The following BMPR2 variants were observed in gnomAD, a reference collection of about 807,000 sequenced individuals.
BMPR2 encodes the protein bone morphogenetic protein receptor type-2.
In BMPR2, 29 loss-of-function variants were observed where a neutral mutation model predicts 100.8. The observed-to-expected ratio is 0.29, with a 90% confidence interval of 0.21 to 0.39. BMPR2 has a LOEUF of 0.39. Ranked by LOEUF, BMPR2 falls within the 10% of genes least tolerant of loss-of-function variation. The pLI, the probability that BMPR2 is intolerant of heterozygous loss-of-function variation, is 1.00. For missense variants in BMPR2, 1,011 were observed against 1,274.5 expected, an observed-to-expected ratio of 0.79 and a Z score of 3.15; for synonymous variants, 382 against 442.3, an observed-to-expected ratio of 0.86 and a Z score of 1.71.
chr2:202,461,377 G>A (rs1692221723), intron 1 of BMPR2, among the ~76,000 whole-genome samples: 1 of 152,168 alleles, frequency 6.6e-6, no homozygotes, highest in South Asian at 2.1e-4. Flanking sequence ...CCAGCTACTT[G>A]GGAGGCTGAG....
intron 3 of BMPR2, among the ~76,000 whole-genome samples, chr2:202,504,423 C>T (rs1014620867): frequency 1.3e-5 from 2 of 151,846 alleles, no homozygotes; most frequent in African/African-American, 2.4e-5. Flanking sequence ...TAACACTCAC[C>T]GCGAAGGTCT....
At chr2:202,555,089 T>C (rs750266252) in intron 11 of BMPR2, among the ~76,000 whole-genome samples, 163 bp from the exon 12 acceptor site, 1 of 152,190 alleles carries the variant, frequency 6.6e-6, no homozygotes, top group Non-Finnish European at 1.5e-5. Context: ...AAGTTATTAA[T>C]TGACACTTGA....
chr2:202,497,607 C>G (rs1011033804), intron 3 of BMPR2, among the ~76,000 whole-genome samples: 1 of 152,212 alleles, frequency 6.6e-6, no homozygotes, highest in Admixed American at 6.5e-5. Context: ...GTCCCAACAA[C>G]AAGTTGGTTG....
At chr2:202,518,199 G>A (rs1381245462) in intron 5 of BMPR2, among the ~76,000 whole-genome samples, 8 of 142,822 alleles carry the variant, frequency 5.6e-5, no homozygotes, top group South Asian at 2.3e-4. Flanking sequence ...GTGCAGTGGC[G>A]CGGTCTCAGC....
chr2:202,455,235 G>A (rs1023637172), intron 1 of BMPR2, among the ~76,000 whole-genome samples: 11 of 152,110 alleles, frequency 7.2e-5, no homozygotes, highest in South Asian at 2.1e-4. Context: ...CACACTAACC[G>A]TATTTCAAGT....
intron 1 of BMPR2, among the ~76,000 whole-genome samples, chr2:202,450,757 T>G (rs1469447873): frequency 6.6e-6 from 1 of 152,080 alleles, no homozygotes; most frequent in Non-Finnish European, 1.5e-5. Flanking sequence ...TTGCTTGATT[T>G]ATATACTTAA....
intron 1 of BMPR2, among the ~76,000 whole-genome samples, chr2:202,462,224 C>A (rs1692237321): frequency 6.7e-6 from 1 of 149,420 alleles, no homozygotes; most frequent in Non-Finnish European, 1.5e-5. Flanking sequence ...AAATTAGGAA[C>A]CACTATTTTT....
intron 1 of BMPR2, among the ~76,000 whole-genome samples, chr2:202,434,908 A>AAAAAAAAAAAATATAT (rs1559037398): frequency 5.2e-5 from 2 of 38,414 alleles, no homozygotes; most frequent in Non-Finnish European, 8.7e-5. Context: ...AAAAAAAAAA[A>AAAAAAAAAAAATATAT]ATATATATAT....
intron 10 of BMPR2, among the ~76,000 whole-genome samples, 169 bp from the exon 11 acceptor site, chr2:202,552,547 A>G (rs1468067353): frequency 6.6e-6 from 1 of 152,158 alleles, no homozygotes; most frequent in Non-Finnish European, 1.5e-5. Flanking sequence ...CTTGTTCATC[A>G]CCTTTTGAGC....
chr2:202,443,199 A>G (rs995624413), intron 1 of BMPR2, among the ~76,000 whole-genome samples: 2 of 150,746 alleles, frequency 1.3e-5, no homozygotes, highest in African/African-American at 5.0e-5. Flanking sequence ...AGATAGGTTT[A>G]TACGATCTAG....
intron 1 of BMPR2, among the ~76,000 whole-genome samples, chr2:202,459,465 T>C (rs1413324696): frequency 6.6e-6 from 1 of 152,146 alleles, no homozygotes; most frequent in Non-Finnish European, 1.5e-5. Context: ...TCATTAGTTA[T>C]TTTTCCTGAT....
intron 1 of BMPR2, among the ~76,000 whole-genome samples, chr2:202,428,041 A>T (rs1241170286): frequency 1.3e-5 from 2 of 152,138 alleles, no homozygotes; most frequent in Admixed American, 1.3e-4. Context: ...CCTCTGATCT[A>T]TTCCTATTAC....
At chr2:202,421,019 G>A (rs1221925731) in intron 1 of BMPR2, among the ~76,000 whole-genome samples, 1 of 151,562 alleles carries the variant, frequency 6.6e-6, no homozygotes, top group Non-Finnish European at 1.5e-5. Context: ...GGAGGCCGAG[G>A]CGGGTGGATC....
chr2:202,386,453 T>C (rs1413887957), intron 1 of BMPR2, among the ~76,000 whole-genome samples: 1 of 152,162 alleles, frequency 6.6e-6, no homozygotes, highest in African/African-American at 2.4e-5. Context: ...CTCTTCTCTT[T>C]CTTTTTTTCA....
At chr2:202,431,399 C>T (rs1169550369) in intron 1 of BMPR2, among the ~76,000 whole-genome samples, 1 of 150,432 alleles carries the variant, frequency 6.6e-6, no homozygotes, top group African/African-American at 2.5e-5. Flanking sequence ...TGAGCCTGGT[C>T]AATTAAACCT....
intron 1 of BMPR2, among the ~76,000 whole-genome samples, chr2:202,421,760 A>G (rs1691267554): frequency 6.6e-6 from 1 of 150,604 alleles, no homozygotes; most frequent in African/African-American, 2.4e-5. Context: ...AGTCACTTCC[A>G]CTAGAAGATT....
At position 202,381,994 on chromosome 2, in the gene BMPR2, C is replaced by T. The variant is rs181948786; in HGVS notation, c.76+4444C>T. Among the ~76,000 whole-genome samples, 145 of 150,880 alleles carry T rather than the reference C, an allele frequency of 9.6e-4. 2 individuals carry two copies. The highest frequency in any genetic ancestry group is 1.9e-3 in the Admixed American group (29 of 15,114). ...TGAATCAGTTAATTTTATAATTGGC[C>T]ACACCACTTATTTTGGCACCTACTC... is the stretch of plus-strand genomic sequence containing the variant. On this transcript the variant is annotated intron_variant, in intron 1 of 12. Coordinates refer to ENST00000374580, the MANE Select transcript of BMPR2 (RefSeq NM_001204.7).
At chr2:202,492,736 A>AC (rs199779218) in intron 3 of BMPR2, among the ~76,000 whole-genome samples, 16 of 151,186 alleles carry the variant, frequency 1.1e-4, no homozygotes, top group African/African-American at 1.2e-4. Flanking sequence ...AAAAAAAAAA[A>AC]CAAAAAGGAA....
intron 1 of BMPR2, among the ~76,000 whole-genome samples, chr2:202,451,743 T>C (rs1197722015): frequency 6.6e-6 from 1 of 152,068 alleles, no homozygotes; most frequent in Non-Finnish European, 1.5e-5. Flanking sequence ...TTTTGTTTTG[T>C]TTTTTGTTGT....
Sources: allele counts gnomAD v4.1 joint callset (sites outside exome capture counted in the v4.1 genomes callset), GRCh38; gene constraint gnomAD v4.1.1; transcripts MANE v1.5; gene names NCBI Gene and HGNC (gene_info 2026-07-23, HGNC 2026-07-21).